The following KBTBD6 variants were observed in gnomAD, a reference collection of about 807,000 sequenced individuals.
The protein encoded by KBTBD6 is kelch repeat and BTB domain containing 6, also known as kelch repeat and BTB domain-containing protein 6.
In KBTBD6, 6 loss-of-function variants were observed where a neutral mutation model predicts 34.4. The observed-to-expected ratio is 0.17, with a 90% CI of 0.10 to 0.34. The LOEUF is 0.34. Ranked by LOEUF, KBTBD6 falls within the 10% of genes least tolerant of loss-of-function variation. KBTBD6 has a pLI of 1.00. For synonymous variants in KBTBD6, 288 were observed against 327.2 expected, an observed-to-expected ratio of 0.88 and a Z score of 1.29; for missense variants, 557 against 856.0, an observed-to-expected ratio of 0.65 and a Z score of 4.36.
rs2030103190 is a variant in KBTBD6, at chr13:41,131,796, ACTGT to A, written c.712_715del (p.Thr238CysfsTer40). 1 of 1,614,240 alleles carries A rather than the reference ACTGT, an allele frequency of 6.2e-7. No homozygotes were observed. Among genetic ancestry groups the A allele is most frequent in the South Asian group, 1.1e-5 (1 of 91,086 alleles). On this transcript the variant is annotated frameshift_variant, in exon 1 of 1. Coordinates refer to ENST00000379485, the MANE Select transcript of KBTBD6 (RefSeq NM_152903.5). LOFTEE classifies it high-confidence loss of function. This position sits in a 1 kb window ranked among gnomAD's most constrained non-coding sequence, Gnocchi z 5.8. ...CAGCCACTGCACTGCCACATGGCAC[ACTGT>A]CTGCTCACTCTCCACGTCCAGACTA... is the stretch of plus-strand genomic sequence containing the variant.
chr13:41,129,245 TG>T lies in KBTBD6; in HGVS notation c.*1241del, dbSNP rs1203351323. 1 of 152,514 alleles carries T rather than the reference TG, an allele frequency of 6.6e-6. No individual in the cohort carries two copies. Among genetic ancestry groups the T allele is most frequent in the Non-Finnish European group, 1.5e-5 (1 of 68,024 alleles). The allele number at this position is 152,514 out of a possible 1,614,324, so 9.4% of individuals were successfully genotyped here. A position where few individuals can be genotyped will look rare whatever the true frequency, so the allele number is the denominator to read the frequency against. On this transcript the variant is annotated 3_prime_UTR_variant, in exon 1 of 1. Coordinates refer to ENST00000379485, the MANE Select transcript of KBTBD6 (RefSeq NM_152903.5). The stretch of plus-strand genomic sequence containing the variant: ...AATCCTCTAAGATGAACACCAAAAC[TG>T]TACAGCTAAAACATATTGAGAATCA...
rs2030015088 is a variant in KBTBD6 at position 41,127,574 on chromosome 13, G to T, written c.*2913C>A. 1 of 152,192 alleles carries T rather than the reference G, an allele frequency of 6.6e-6. No individual in the cohort carries two copies. Among genetic ancestry groups the T allele is most frequent in the Admixed American group, 6.5e-5 (1 of 15,286 alleles). The allele number at this position is 152,192 out of a possible 1,614,324, so 9.4% of individuals were successfully genotyped here. A position where few individuals can be genotyped will look rare whatever the true frequency, so the allele number is the denominator to read the frequency against. On this transcript the variant is annotated 3_prime_UTR_variant, in exon 1 of 1. Transcript: ENST00000379485. The stretch of plus-strand genomic sequence containing the variant: ...AAAAAGTCAGGAAGCATAAGTTCTG[G>T]TACCAGTTTTATTTATAATTAACCA...
In KBTBD6 at chr13:41,131,268, C is replaced by G; in HGVS notation, c.1244G>C (p.Trp415Ser). 6.2e-7 allele frequency: 1 copy of G among 1,614,140 alleles called. No individual in the cohort carries two copies. The highest frequency in any genetic ancestry group is 8.5e-7 in the Non-Finnish European group (1 of 1,180,028). ...LWVYKPAQNS[W>S]QQLADRLLCR... The stretch of plus-strand genomic sequence containing the variant: ...CAGCAAGCGATCTGCAAGTTGCTGC[C>G]AACTATTCTGAGCTGGTTTATACAC... The change falls in exon 1 of 1, where the codon TGG becomes TCG. Residue 415 changes from tryptophan (W) to serine (S), a missense_variant. Physicochemically the swap from Trp to Ser is radical, Grantham distance 177. Around this residue, in one of 4 missense-constraint regions of KBTBD6, gnomAD observed 309 missense variants for 504.5 expected, o/e 0.61. Transcript: ENST00000379485. This position sits in a 1 kb window ranked among gnomAD's most constrained non-coding sequence, Gnocchi z 5.8.
Position 41,130,570 on chromosome 13 carries a change from C to T in KBTBD6, c.1942G>A (p.Gly648Arg). 1 of 1,614,146 alleles carries T rather than the reference C, an allele frequency of 6.2e-7. No individual in the cohort carries two copies. Among genetic ancestry groups the T allele is most frequent in the South Asian group, 1.1e-5 (1 of 91,084 alleles). ...GACTCAGAGTCTGGCTCACTGAATC[C>T]ACCTAAGTCCCATTCAGTGCTAGAC... ...SESSTEWDLG[G>R]FSEPDSESGS... is the part of the protein sequence containing the mutation. Residue 648 changes from glycine to arginine, a missense_variant, in exon 1 of 1, where the codon GGA (glycine) becomes AGA (arginine). Physicochemically the swap from Gly to Arg is moderately radical, Grantham distance 125. Around this residue, in one of 4 missense-constraint regions of KBTBD6, gnomAD observed 309 missense variants for 504.5 expected, o/e 0.61. Coordinates refer to ENST00000379485, the MANE Select transcript of KBTBD6 (RefSeq NM_152903.5). The surrounding 1 kb of genome is among the most constrained non-coding windows in gnomAD (Gnocchi z 4.8).
At position 41,132,531 on chromosome 13, in the gene KBTBD6, G is replaced by C; in HGVS notation, c.-20C>G. 6.2e-7 allele frequency: 1 copy of C among 1,605,076 alleles called. No individual in the cohort carries two copies. Among genetic ancestry groups the C allele is most frequent in the South Asian group, 1.1e-5 (1 of 90,416 alleles). On this transcript the variant is annotated 5_prime_UTR_variant, in exon 1 of 1. Transcript: ENST00000379485. ...CTGCATGGTGGAGATGGCGACGGGCGCTGATGGCGAGAAACGCTGCAGGAC... is the reference window on the plus strand; with the variant it reads ...CTGCATGGTGGAGATGGCGACGGGCCCTGATGGCGAGAAACGCTGCAGGAC...
rs1364509175 is a variant in KBTBD6 at position 41,128,343 on chromosome 13, T to C, written c.*2144A>G. ...AGCATCTGGTCATTCATCATGTACATGTATCATGTCAACCATTATATATTA... is the reference window on the plus strand; with the variant it reads ...AGCATCTGGTCATTCATCATGTACACGTATCATGTCAACCATTATATATTA... On this transcript the variant is annotated 3_prime_UTR_variant, in exon 1 of 1. Transcript: ENST00000379485. 2.7e-6 allele frequency: 1 copy of C among 369,734 alleles called. No individual in the cohort carries two copies. Among genetic ancestry groups the C allele is most frequent in the Non-Finnish European group, 4.8e-6 (1 of 206,766 alleles). The allele number at this position is 369,734 out of a possible 1,614,324, so 22.9% of individuals were successfully genotyped here. A position where few individuals can be genotyped will look rare whatever the true frequency, so the allele number is the denominator to read the frequency against.
At position 41,131,179 on chromosome 13, in the gene KBTBD6, G is replaced by C; in HGVS notation, c.1333C>G (p.Pro445Ala). 6.2e-7 allele frequency: 1 copy of C among 1,614,060 alleles called. No homozygotes were observed. The highest frequency in any genetic ancestry group is 2.2e-5 in the East Asian group (1 of 44,880). The change falls in exon 1 of 1, where the codon CCT becomes GCT. Residue 445 changes from proline to alanine, a missense_variant. Pro to Ala is a conservative substitution (Grantham distance 27). Coordinates refer to ENST00000379485, the MANE Select transcript of KBTBD6 (RefSeq NM_152903.5). This position sits in a 1 kb window ranked among gnomAD's most constrained non-coding sequence, Gnocchi z 5.8. The stretch of plus-strand genomic sequence containing the variant: ...TCCTTCAACTTAACTCCAGTAATAG[G>C]GTCTCGCCCCCCCAAAATGTAGATA... ...GYIYILGGRD[P>A]ITGVKLKEVE...
Position 41,132,248 on chromosome 13 carries a change from C to T in KBTBD6, c.264G>A (p.Val88=), listed in dbSNP as rs1272907801. 1.2e-6 allele frequency: 2 copies of T among 1,614,108 alleles called. No individual in the cohort carries two copies. Among genetic ancestry groups the T allele is most frequent in the Admixed American group, 3.3e-5 (2 of 60,012 alleles). Residue 88 remains valine (V), a synonymous_variant, in exon 1 of 1, where the codon GTG becomes GTA. Coordinates refer to ENST00000379485, the MANE Select transcript of KBTBD6 (RefSeq NM_152903.5). ...TGRLFPCNRN[V]LAAACPYFKS... is the part of the protein sequence containing the mutation. ...TGAAGTAGGGACATGCCGCGGCCAG[C>T]ACATTGCGGTTGCAGGGGAACAGGC...
Position 41,130,817 on chromosome 13 carries a change from G to C in KBTBD6, c.1695C>G (p.Gly565=). 1 of 1,614,140 alleles carries C rather than the reference G, an allele frequency of 6.2e-7. No individual in the cohort carries two copies. Among genetic ancestry groups the C allele is most frequent in the Non-Finnish European group, 8.5e-7 (1 of 1,180,032 alleles). ...ETNNYRIIKH[G]QKLLLITSRT... ...GAGAGGTGATGAGCAACAATTTTTG[G>C]CCATGCTTGATAATTCTGTAGTTGT... Residue 565 remains glycine (G), a synonymous_variant, in exon 1 of 1, where the codon GGC becomes GGG. Coordinates refer to ENST00000379485, the MANE Select transcript of KBTBD6 (RefSeq NM_152903.5). This position sits in a 1 kb window ranked among gnomAD's most constrained non-coding sequence, Gnocchi z 4.8.
chr13:41,131,823 C>A lies in KBTBD6; in HGVS notation c.689G>T (p.Ser230Ile). The A allele has an allele frequency of 6.2e-7, 1 of 1,614,276 alleles. No homozygotes were observed. Among genetic ancestry groups the A allele is most frequent in the South Asian group, 1.1e-5 (1 of 91,092 alleles). The change falls in exon 1 of 1, where the codon AGT (serine) becomes ATT (isoleucine). Residue 230 changes from serine to isoleucine, a missense_variant. Transcript: ENST00000379485. This position sits in a 1 kb window ranked among gnomAD's most constrained non-coding sequence, Gnocchi z 5.8. ...AQLLAVLRLD[S>I]LDVESEQTVC... The stretch of plus-strand genomic sequence containing the variant: ...TGTCTGCTCACTCTCCACGTCCAGA[C>A]TATCCAAGCGCAGGACAGCCAGCAG...
rs552292581 is a variant in KBTBD6 at position 41,129,813 on chromosome 13, G to C, written c.*674C>G. On this transcript the variant is annotated 3_prime_UTR_variant, in exon 1 of 1. Transcript: ENST00000379485. Reference sequence around the variant, plus strand: ...CTCCTGGGTAGCTGGGATTACAGGCGCATGCCACCACGCCCAGCTAATTTT... The same window carrying C: ...CTCCTGGGTAGCTGGGATTACAGGCCCATGCCACCACGCCCAGCTAATTTT... The C allele has an allele frequency of 4.0e-5, 6 of 151,754 alleles. No homozygotes were observed. The highest frequency in any genetic ancestry group is 1.5e-4 in the African/African-American group (6 of 41,226). 9.4% of individuals were successfully genotyped at this position (151,754 alleles called of 1,614,324 possible).
Position 41,132,593 on chromosome 13 carries a change from G to A in KBTBD6, c.-82C>T, listed in dbSNP as rs1319502489. 6.1e-6 allele frequency: 9 copies of A among 1,469,638 alleles called. No individual in the cohort carries two copies. Among genetic ancestry groups the A allele is most frequent in the Non-Finnish European group, 8.4e-6 (9 of 1,077,184 alleles). 91.0% of individuals were successfully genotyped at this position (1,469,638 alleles called of 1,614,324 possible). On this transcript the variant is annotated 5_prime_UTR_variant, in exon 1 of 1. Transcript: ENST00000379485. ...TCCTCCTCAACCTTCCCTCGCTGAC[G>A]CTAAGATAGCAGCGTCTCCGAAGAG...
In KBTBD6 at chr13:41,131,256, G is replaced by C; in HGVS notation, c.1256C>G (p.Ala419Gly). 2 of 1,614,162 alleles carry C rather than the reference G, an allele frequency of 1.2e-6. No individual in the cohort carries two copies. Residue 419 changes from alanine (A) to glycine (G), a missense_variant, in exon 1 of 1, where the codon GCA (alanine) becomes GGA (glycine). Around this residue, in one of 4 missense-constraint regions of KBTBD6, gnomAD observed 309 missense variants for 504.5 expected, o/e 0.61. Transcript: ENST00000379485. The surrounding 1 kb of genome is among the most constrained non-coding windows in gnomAD (Gnocchi z 5.8). ...KPAQNSWQQL[A>G]DRLLCREGMD... ...GCCCTCACGACACAGCAAGCGATCT[G>C]CAAGTTGCTGCCAACTATTCTGAGC...
At position 41,132,618 on chromosome 13, in the gene KBTBD6, G is replaced by T. The variant is rs2030131225; in HGVS notation, c.-107C>A. 9 of 1,319,294 alleles carry T rather than the reference G, an allele frequency of 6.8e-6. No homozygotes were observed. The highest frequency in any genetic ancestry group is 1.5e-5 in the African/African-American group (1 of 67,788). The allele number at this position is 1,319,294 out of a possible 1,614,324, so 81.7% of individuals were successfully genotyped here. A position where few individuals can be genotyped will look rare whatever the true frequency, so the allele number is the denominator to read the frequency against. On this transcript the variant is annotated 5_prime_UTR_variant, in exon 1 of 1. Coordinates refer to ENST00000379485, the MANE Select transcript of KBTBD6 (RefSeq NM_152903.5). ...GCTAAGATAGCAGCGTCTCCGAAGA[G>T]ACAGCAGCACGAGCCCATTTACTGA...
rs554505812 is a variant in KBTBD6, at chr13:41,130,319, T to G, written c.*168A>C. On this transcript the variant is annotated 3_prime_UTR_variant, in exon 1 of 1. Coordinates refer to ENST00000379485, the MANE Select transcript of KBTBD6 (RefSeq NM_152903.5). The surrounding 1 kb of genome is among the most constrained non-coding windows in gnomAD (Gnocchi z 4.8). Reference sequence around the variant, plus strand: ...ATTTGAGTGTTAAAATTTGTAACATTAAATTACCTTCGTATTTCAAACATT... The same window carrying G: ...ATTTGAGTGTTAAAATTTGTAACATGAAATTACCTTCGTATTTCAAACATT... 7 of 557,082 alleles carry G rather than the reference T, an allele frequency of 1.3e-5. No homozygotes were observed. The African/African-American group carries it at 1.3e-4, about 10-fold the overall frequency. 34.5% of individuals were successfully genotyped at this position (557,082 alleles called of 1,614,324 possible).
Position 41,132,464 on chromosome 13 carries a change from G to C in KBTBD6, c.48C>G (p.Pro16=). 2 of 1,614,224 alleles carry C rather than the reference G, an allele frequency of 1.2e-6. No homozygotes were observed. The highest frequency in any genetic ancestry group is 1.7e-6 in the Non-Finnish European group (2 of 1,180,038). ...DAPRSRRLAS[P]RGGKRPKKIH... ...TCTTCTTGGGCCGCTTCCCACCACG[G>C]GGACTGGCTAGGCGGCGAGAGCGCG... Residue 16 remains proline (P), a synonymous_variant, in exon 1 of 1, where the codon CCC becomes CCG. Transcript: ENST00000379485.
In KBTBD6 at chr13:41,132,088, C is replaced by T; in HGVS notation, c.424G>A (p.Glu142Lys). Residue 142 changes from glutamate to lysine, a missense_variant, in exon 1 of 1, where the codon GAG becomes AAG. Transcript: ENST00000379485. ...ATGTCGGAGGCCGCGTACAGGCGCTCCACGTTGGCCTCACTGAGAGACACA... is the reference window on the plus strand; with the variant it reads ...ATGTCGGAGGCCGCGTACAGGCGCTTCACGTTGGCCTCACTGAGAGACACA... ...GRVSLSEANV[E>K]RLYAASDMLQ... 6.2e-7 allele frequency: 1 copy of T among 1,614,208 alleles called. No homozygotes were observed. Among genetic ancestry groups the T allele is most frequent in the Non-Finnish European group, 8.5e-7 (1 of 1,180,046 alleles).
At position 41,130,994 on chromosome 13, in the gene KBTBD6, C is replaced by T. The variant is rs61732683; in HGVS notation, c.1518G>A (p.Lys506=). 5.5e-3 allele frequency: 8,917 copies of T among 1,614,096 alleles called. 44 individuals carry two copies. Among genetic ancestry groups the T allele is most frequent in the Middle Eastern group, 0.013 (81 of 6,062 alleles). The change falls in exon 1 of 1, where the codon AAG becomes AAA. Residue 506 remains lysine (K), a synonymous_variant. Coordinates refer to ENST00000379485, the MANE Select transcript of KBTBD6 (RefSeq NM_152903.5). This position sits in a 1 kb window ranked among gnomAD's most constrained non-coding sequence, Gnocchi z 4.8. ...AGTCATTGCGCTTCAGAGAAACGCACTTCAGCCACATATTGTGGCTAGGAT... is the reference window on the plus strand; with the variant it reads ...AGTCATTGCGCTTCAGAGAAACGCATTTCAGCCACATATTGTGGCTAGGAT... ...CYDPSHNMWL[K]CVSLKRNDFQ... is the part of the protein sequence containing the mutation.
Position 41,128,789 on chromosome 13 carries a change from A to G in KBTBD6, c.*1698T>C, listed in dbSNP as rs980002096. 1 of 316,986 alleles carries G rather than the reference A, an allele frequency of 3.2e-6. No individual in the cohort carries two copies. Among genetic ancestry groups the G allele is most frequent in the Non-Finnish European group, 5.8e-6 (1 of 173,758 alleles). 19.6% of individuals were successfully genotyped at this position (316,986 alleles called of 1,614,324 possible). A position where few individuals can be genotyped will look rare whatever the true frequency, so the allele number is the denominator to read the frequency against. ...ATCCTACATTCAAGTGATCCTCCCA[A>G]GTAACTGGGACTCAGACTTGGGCCA... On this transcript the variant is annotated 3_prime_UTR_variant, in exon 1 of 1. Transcript: ENST00000379485.
Sources: gnomAD v4.1 joint callset for allele counts on GRCh38, gnomAD v4.1.1 for gene constraint, gnomAD v4.1.1 regional missense constraint, Gnocchi (gnomAD v3.1) non-coding constraint, MANE v1.5 for transcripts, NCBI Gene and HGNC (gene_info 2026-07-23, HGNC 2026-07-21) for gene names.